Variants in SRC observed in about 807,000 individuals in gnomAD.
SRC encodes the protein SRC proto-oncogene, non-receptor tyrosine kinase.
A neutral mutation model predicts 62.9 loss-of-function variants in SRC; 13 were observed. The ratio of observed to expected loss-of-function variants is 0.21; its 90% CI spans 0.13 to 0.33. SRC has a LOEUF of 0.33. SRC is among the 10% of genes least tolerant of loss of function. The pLI is 1.00. For missense variants in SRC, 457 were observed against 737.3 expected (o/e 0.62, Z 4.40); for synonymous variants, 302 against 317.5 (o/e 0.95, Z 0.52).
chr20:37,359,391 C>T (rs6066048), intron 1 of SRC, among the ~76,000 whole-genome samples: 3 of 152,194 alleles, frequency 2.0e-5, no homozygotes, highest in Non-Finnish European at 4.4e-5. Context: ...ACACACAGCC[C>T]GTAAGAAGGC....
chr20:37,384,555 G>C lies in SRC; in HGVS notation c.250+152G>C, dbSNP rs910568147. Reference sequence around the variant, plus strand: ...TGACTTGGGTGTCCGGGGGGTGGGGGGGCGGCCGTACACACTGTGAAGCGT... The same window carrying C: ...TGACTTGGGTGTCCGGGGGGTGGGGCGGCGGCCGTACACACTGTGAAGCGT... On this transcript the variant is annotated intron_variant, in intron 4 of 13. Coordinates refer to ENST00000373578, the MANE Select transcript of SRC (RefSeq NM_198291.3). The surrounding 1 kb of genome is among the most constrained non-coding windows in gnomAD (Gnocchi z 6.7). The C allele has an allele frequency of 2.2e-6, 2 of 901,084 alleles. No individual in the cohort carries two copies. The highest frequency in any genetic ancestry group is 2.9e-6 in the Non-Finnish European group (2 of 686,320). 55.8% of individuals were successfully genotyped at this position (901,084 alleles called of 1,614,324 possible).
intron 2 of SRC, among the ~76,000 whole-genome samples, chr20:37,377,128 G>C (rs1009283084): frequency 6.6e-6 from 1 of 152,162 alleles, no homozygotes; most frequent in African/African-American, 2.4e-5. Context: ...TGTGTAAAGC[G>C]CCCAGCCTTG....
At chr20:37,377,512 G>C (rs568677625) in intron 2 of SRC, among the ~76,000 whole-genome samples, 1 of 152,342 alleles carries the variant, frequency 6.6e-6, no homozygotes, top group Admixed American at 6.5e-5. Flanking sequence ...AGTGTGACCT[G>C]AGCATCTGTG....
At chr20:37,357,050 C>G (rs2069893113) in intron 1 of SRC, among the ~76,000 whole-genome samples, 1 of 152,210 alleles carries the variant, frequency 6.6e-6, no homozygotes, top group Admixed American at 6.5e-5. Context: ...AGCTGTTGCC[C>G]CAGCCGGCTC....
rs777738271 is a variant in SRC at position 37,403,383 on chromosome 20, C to G, written c.*4C>G. 2 of 1,580,438 alleles carry G rather than the reference C, an allele frequency of 1.3e-6. No homozygotes were observed. Among genetic ancestry groups the G allele is most frequent in the Non-Finnish European group, 1.7e-6 (2 of 1,164,452 alleles). On this transcript the variant is annotated 3_prime_UTR_variant, in exon 14 of 14. Transcript: ENST00000373578. This position sits in a 1 kb window ranked among gnomAD's most constrained non-coding sequence, Gnocchi z 7.1. ...CCAGCCCGGGGAGAACCTCTAGGCA[C>G]AGGCGGGCCCAGACCGGCTTCTCGG...
chr20:37,373,969 C>T (rs977202738), intron 2 of SRC, among the ~76,000 whole-genome samples: 1 of 151,376 alleles, frequency 6.6e-6, no homozygotes, highest in African/African-American at 2.4e-5. Flanking sequence ...TCTGGCTACT[C>T]TTATTCATAT....
intron 5 of SRC, 22 bp downstream of exon 5, chr20:37,386,196 G>GCC: frequency 6.2e-7 from 1 of 1,609,042 alleles, no homozygotes; most frequent in Non-Finnish European, 8.5e-7. Flanking sequence ...CTTCCCTATT[G>GCC]CCCCTCAGGG....
intron 1 of SRC, among the ~76,000 whole-genome samples, chr20:37,364,656 A>G (rs1481267182): frequency 6.6e-6 from 1 of 152,106 alleles, no homozygotes; most frequent in Non-Finnish European, 1.5e-5. Flanking sequence ...GGCCTGCTCT[A>G]TGAGCACGTG....
intron 2 of SRC, among the ~76,000 whole-genome samples, chr20:37,372,949 A>C (rs1409988178): frequency 3.3e-5 from 5 of 152,042 alleles, no homozygotes; most frequent in Admixed American, 3.3e-4. Context: ...TCTAGGTCTT[A>C]TGTCATGTTT....
At chr20:37,356,319 G>A (rs1334413218) in intron 1 of SRC, among the ~76,000 whole-genome samples, 1 of 152,198 alleles carries the variant, frequency 6.6e-6, no homozygotes, top group Non-Finnish European at 1.5e-5. Flanking sequence ...ATGGGTAGAG[G>A]GCCTGGGGGC....
At chr20:37,362,214 G>A (rs185745512) in intron 1 of SRC, among the ~76,000 whole-genome samples, 3 of 151,816 alleles carry the variant, frequency 2.0e-5, no homozygotes, top group Non-Finnish European at 4.4e-5. Context: ...ACCATGACCG[G>A]TTACATTTTT....
At position 37,363,278 on chromosome 20, in the gene SRC, G is replaced by A. The variant is rs117075275; in HGVS notation, c.-246-1926G>A. Among the ~76,000 whole-genome samples, 917 of 152,292 alleles carry A rather than the reference G, an allele frequency of 6.0e-3. 4 individuals carry two copies. The highest frequency in any genetic ancestry group is 0.024 in the Middle Eastern group (7 of 294). ...CTTGCATTGAACATATCCCTCTCAG[G>A]GTCTTCCCCGGGCCCCCTCGTGCCT... On this transcript the variant is annotated intron_variant, in intron 1 of 13. Coordinates refer to ENST00000373578, the MANE Select transcript of SRC (RefSeq NM_198291.3).
In SRC at chr20:37,360,218, C is replaced by CTTTTTTTTTTTTT. The variant is rs61476973; in HGVS notation, c.-246-4978_-246-4966dup. Among the ~76,000 whole-genome samples the CTTTTTTTTTTTTT allele has an allele frequency of 1.0e-3, 108 of 105,626 alleles. 6 individuals are homozygous for CTTTTTTTTTTTTT. The highest frequency in any genetic ancestry group is 2.1e-3 in the African/African-American group (43 of 20,946). 69.3% of individuals were successfully genotyped at this position (105,626 alleles called of 152,430 possible). ...AATTTCTTTCTCTTTCTCTCTCTCT[C>CTTTTTTTTTTTTT]TTTTTTTTTTTTTTTTTTTTGGTGA... On this transcript the variant is annotated intron_variant, in intron 1 of 13. Coordinates refer to ENST00000373578, the MANE Select transcript of SRC (RefSeq NM_198291.3).
intron 2 of SRC, among the ~76,000 whole-genome samples, chr20:37,370,047 G>A (rs558590837): frequency 3.9e-5 from 6 of 152,250 alleles, no homozygotes; most frequent in African/African-American, 1.2e-4. Flanking sequence ...TGATCCACCC[G>A]GCTCGGCCTC....
rs186269832 is a variant in SRC at position 37,380,853 on chromosome 20, A to C, written c.-172-1766A>C. On this transcript the variant is annotated intron_variant, in intron 2 of 13. Transcript: ENST00000373578. The stretch of plus-strand genomic sequence containing the variant: ...GCAGAATTATGGGGCATTTTCTTTT[A>C]TTTTTTCTTTTCTTTTTTTTTAATC... Among the ~76,000 whole-genome samples, 7 of 150,844 alleles carry C rather than the reference A, an allele frequency of 4.6e-5. No individual in the cohort carries two copies. The East Asian group carries it at 1.4e-3, about 29-fold the overall frequency.
chr20:37,394,046 C>A, intron 6 of SRC, 53 bp downstream of exon 6: 1 of 1,579,576 alleles, frequency 6.3e-7, no homozygotes, highest in Non-Finnish European at 8.7e-7. Flanking sequence ...ACTGCCGGTG[C>A]AGAGTGCCTC....
At chr20:37,348,855 T>C (rs1308216334) in intron 1 of SRC, among the ~76,000 whole-genome samples, 1 of 152,046 alleles carries the variant, frequency 6.6e-6, no homozygotes, top group Non-Finnish European at 1.5e-5. Context: ...TGACCAGGCA[T>C]GGAGTTAGGG....
intron 5 of SRC, among the ~76,000 whole-genome samples, chr20:37,387,871 G>A (rs1470948021): frequency 6.6e-6 from 1 of 152,170 alleles, no homozygotes; most frequent in Non-Finnish European, 1.5e-5. Context: ...TTTTATTTAC[G>A]CATCACCATA....
In SRC at chr20:37,396,402, T is replaced by C; in HGVS notation, c.703+91T>C. The C allele has an allele frequency of 6.7e-7, 1 of 1,496,344 alleles. No individual in the cohort carries two copies. Among genetic ancestry groups the C allele is most frequent in the Non-Finnish European group, 9.1e-7 (1 of 1,102,978 alleles). The allele number at this position is 1,496,344 out of a possible 1,614,324, so 92.7% of individuals were successfully genotyped here. A position where few individuals can be genotyped will look rare whatever the true frequency, so the allele number is the denominator to read the frequency against. ...CCTTGGAGCCTAGAAGGGTGGGGACTTCTGTTATCCTGCTTCTCTCCCCAC... is the reference window on the plus strand; with the variant it reads ...CCTTGGAGCCTAGAAGGGTGGGGACCTCTGTTATCCTGCTTCTCTCCCCAC... On this transcript the variant is annotated intron_variant, in intron 8 of 13. Coordinates refer to ENST00000373578, the MANE Select transcript of SRC (RefSeq NM_198291.3). The surrounding 1 kb of genome is among the most constrained non-coding windows in gnomAD (Gnocchi z 6.1).
Sources: allele counts gnomAD v4.1 joint callset (sites outside exome capture counted in the v4.1 genomes callset), GRCh38; gene constraint gnomAD v4.1.1; non-coding constraint Gnocchi (gnomAD v3.1); transcripts MANE v1.5; gene names NCBI Gene and HGNC (gene_info 2026-07-23, HGNC 2026-07-21).